The following TENM2 variants were observed in gnomAD, a reference collection of about 807,000 sequenced individuals.
TENM2 encodes the protein teneurin transmembrane protein 2.
Under a neutral mutation model 245.2 loss-of-function variants are expected in TENM2, and 52 were observed. That is an observed-to-expected ratio of 0.21 (90% confidence interval 0.17 to 0.27). The LOEUF is 0.27. TENM2 is among the 10% of genes least tolerant of loss of function. TENM2 has a pLI of 1.00. For missense variants in TENM2, 3,046 were observed against 3,666.8 expected (o/e 0.83, Z 4.37); for synonymous variants, 1,363 against 1,438.9 (o/e 0.95, Z 1.19).
chr5:168,139,213 T>C (rs1755325660), intron 12 of TENM2, among the ~76,000 whole-genome samples: 2 of 152,344 alleles, frequency 1.3e-5, no homozygotes, highest in Admixed American at 6.5e-5. Context: ...TCATAAGTGT[T>C]AATATCTTCC....
the TENM2 span, among the ~76,000 whole-genome samples, chr5:167,087,711 T>C: frequency 6.6e-6 from 1 of 152,118 alleles, no homozygotes; most frequent in Non-Finnish European, 1.5e-5. Context: ...GATATCTTAA[T>C]AGCAGAGACA....
chr5:167,192,778 GA>G, the TENM2 span, among the ~76,000 whole-genome samples: 1 of 151,920 alleles, frequency 6.6e-6, no homozygotes. Context: ...GATGTAATAG[GA>G]AAAAAATGAC....
At chr5:168,104,016 G>A (rs1794041064) in intron 9 of TENM2, among the ~76,000 whole-genome samples, 1 of 151,298 alleles carries the variant, frequency 6.6e-6, no homozygotes, top group African/African-American at 2.4e-5. Flanking sequence ...TTGTTTGTTT[G>A]TTTGTTTGTT....
chr5:168,248,324 G>T (rs1324486567), exon 27 of TENM2: 1 of 1,614,018 alleles, frequency 6.2e-7, no homozygotes, highest in Non-Finnish European at 8.5e-7. Flanking sequence ...ATGTTCAAGA[G>T]CAACAATCCT....
intron 2 of TENM2, among the ~76,000 whole-genome samples, chr5:167,422,182 G>T (rs1317290033): frequency 6.6e-6 from 1 of 152,188 alleles, no homozygotes; most frequent in African/African-American, 2.4e-5. Flanking sequence ...TTTGGCACTT[G>T]CAATAGTGGT....
chr5:168,261,613 G>A (rs546727063), intron 28 of TENM2, among the ~76,000 whole-genome samples: 3 of 152,290 alleles, frequency 2.0e-5, no homozygotes, highest in East Asian at 3.9e-4. Flanking sequence ...GGTGGGGTTC[G>A]AGGCTGTTCA....
At chr5:167,154,830 T>C in the TENM2 span, among the ~76,000 whole-genome samples, 1 of 152,196 alleles carries the variant, frequency 6.6e-6, no homozygotes, top group Non-Finnish European at 1.5e-5. Flanking sequence ...TAGGGAAAAG[T>C]GAAGTACTAC....
chr5:167,713,772 C>T (rs1455432879), intron 2 of TENM2, among the ~76,000 whole-genome samples: 2 of 152,240 alleles, frequency 1.3e-5, no homozygotes, highest in African/African-American at 4.8e-5. Context: ...CGTGCACACA[C>T]ATACACACGT....
chr5:167,336,980 G>A (rs1291436312), intron 1 of TENM2, among the ~76,000 whole-genome samples: 4 of 150,314 alleles, frequency 2.7e-5, no homozygotes, highest in Admixed American at 6.6e-5. Flanking sequence ...AGCCGGGCGC[G>A]GTGGCGGGCG....
At chr5:167,141,713 T>A in the TENM2 span, among the ~76,000 whole-genome samples, 12 of 152,324 alleles carry the variant, frequency 7.9e-5, no homozygotes, top group Admixed American at 7.8e-4. Flanking sequence ...CCTTTATGAA[T>A]GCTAATAATA....
the TENM2 span, among the ~76,000 whole-genome samples, chr5:167,215,217 G>A: frequency 2.0e-5 from 3 of 152,132 alleles, no homozygotes; most frequent in Admixed American, 2.0e-4. Context: ...CCTTCATTGT[G>A]CATGGACATC....
chr5:168,216,037 G>T (rs925184210), intron 21 of TENM2, among the ~76,000 whole-genome samples: 62 of 152,234 alleles, frequency 4.1e-4, no homozygotes, highest in Non-Finnish European at 3.1e-4. Flanking sequence ...ATTTGAAAAG[G>T]ACTAAAAATA....
chr5:167,050,477 A>C, the TENM2 span, among the ~76,000 whole-genome samples: 1 of 152,204 alleles, frequency 6.6e-6, no homozygotes, highest in African/African-American at 2.4e-5. Flanking sequence ...CGCTGGTCTA[A>C]AAGACAGGCA....
chr5:168,250,306 G>A (rs781739559), intron 27 of TENM2, among the ~76,000 whole-genome samples: 13 of 151,958 alleles, frequency 8.6e-5, no homozygotes, highest in Non-Finnish European at 1.8e-4. Flanking sequence ...GAGAGAGAGA[G>A]TGAGATCCAA....
intron 2 of TENM2, among the ~76,000 whole-genome samples, chr5:167,603,762 G>T (rs1451852982): frequency 6.6e-6 from 1 of 152,206 alleles, no homozygotes; most frequent in African/African-American, 2.4e-5. Flanking sequence ...TTTCTCATCA[G>T]TGATGAAGTT....
intron 5 of TENM2, among the ~76,000 whole-genome samples, chr5:168,001,936 A>G (rs1302348311): frequency 6.6e-6 from 1 of 152,254 alleles, no homozygotes; most frequent in African/African-American, 2.4e-5. Context: ...TTATATCATC[A>G]GCCTTCTGGC....
intron 7 of TENM2, among the ~76,000 whole-genome samples, chr5:168,067,504 T>C (rs973346689): frequency 5.9e-5 from 9 of 152,316 alleles, no homozygotes; most frequent in African/African-American, 2.2e-4. Flanking sequence ...CTAATGACAT[T>C]TTTTAAAAGC....
intron 2 of TENM2, among the ~76,000 whole-genome samples, chr5:167,622,888 C>T (rs1052832676): frequency 7.9e-5 from 12 of 152,102 alleles, no homozygotes; most frequent in East Asian, 5.8e-4. Context: ...CCTTCTTCCA[C>T]GGTCTTGTCA....
intron 1 of TENM2, among the ~76,000 whole-genome samples, chr5:167,325,161 T>C (rs1757007981): frequency 6.6e-6 from 1 of 152,202 alleles, no homozygotes; most frequent in South Asian, 2.1e-4. Context: ...AATGAAATAA[T>C]GCAATGACAA....
Sources: allele counts gnomAD v4.1 joint callset (sites outside exome capture counted in the v4.1 genomes callset), GRCh38; gene constraint gnomAD v4.1.1; transcripts MANE v1.5; gene names NCBI Gene and HGNC (gene_info 2026-07-23, HGNC 2026-07-21).